The following LRP1B variants were observed in gnomAD, a reference collection of about 807,000 sequenced individuals.
LRP1B encodes the protein low-density lipoprotein receptor-related protein 1B.
In LRP1B, 217 loss-of-function variants were observed where a neutral mutation model predicts 556.6. The observed-to-expected ratio is 0.39, with a 90% CI of 0.35 to 0.44. The LOEUF (loss-of-function observed/expected upper bound fraction) is 0.44. LRP1B is among the 20% of genes least tolerant of loss of function. LRP1B has a pLI of 1.00. For missense variants in LRP1B, 5,053 were observed against 5,620.8 expected (o/e 0.90, Z 3.23); for synonymous variants, 2,047 against 1,865.8 (o/e 1.10, Z -2.50).
chr2:141,204,170 AAATT>A (rs1682166025), intron 6 of LRP1B, among the ~76,000 whole-genome samples: 1 of 152,208 alleles, frequency 6.6e-6, no homozygotes, highest in African/African-American at 2.4e-5. Flanking sequence ...TGATTTGTCA[AAATT>A]AATTACATAA....
chr2:140,312,019 A>AGACAGAAAACCCTTGAATGAATGAGAAG (rs1239296481), intron 83 of LRP1B, among the ~76,000 whole-genome samples: 9 of 151,918 alleles, frequency 5.9e-5, no homozygotes, highest in African/African-American at 1.9e-4. Flanking sequence ...ACAGTTACCA[A>AGACAGAAAACCCTTGAATGAATGAGAAG]GACAGAAAAC....
chr2:141,784,644 C>A lies in LRP1B; in HGVS notation c.205+25635G>T, dbSNP rs115953397. Among the ~76,000 whole-genome samples, 388 of 152,034 alleles carry A rather than the reference C, an allele frequency of 2.6e-3. 1 individual carries two copies. Among genetic ancestry groups the A allele is most frequent in the African/African-American group, 8.9e-3 (371 of 41,518 alleles). Reference sequence around the variant, plus strand: ...AATATGTTTTCCTTACCCCAGGGAACTGAATCCCTGATTGTTCAATTTGTC... The same window carrying A: ...AATATGTTTTCCTTACCCCAGGGAAATGAATCCCTGATTGTTCAATTTGTC... On this transcript the variant is annotated intron_variant, in intron 2 of 90. Transcript: ENST00000389484.
intron 1 of LRP1B, among the ~76,000 whole-genome samples, chr2:141,847,069 A>G (rs968409827): frequency 6.6e-6 from 1 of 151,548 alleles, no homozygotes; most frequent in Admixed American, 6.6e-5. Context: ...CATTTTGTAA[A>G]TTATATGTTC....
At chr2:140,501,617 G>T (rs940756916) in intron 55 of LRP1B, 70 bp downstream of exon 55, 2 of 1,159,286 alleles carry the variant, frequency 1.7e-6, no homozygotes, top group South Asian at 2.1e-5. Flanking sequence ...CATCTATATT[G>T]GATTAAATAG....
chr2:141,828,631 C>A (rs352980), intron 1 of LRP1B, among the ~76,000 whole-genome samples: 107,071 of 151,890 alleles, frequency 0.7, 38,231 homozygotes, highest in Middle Eastern at 0.82. Context: ...CATAAGTTAC[C>A]TCGTGCTGGT....
chr2:140,252,316 C>A (rs1224843905), intron 86 of LRP1B, among the ~76,000 whole-genome samples: 1 of 151,716 alleles, frequency 6.6e-6, no homozygotes, highest in Non-Finnish European at 1.5e-5. Flanking sequence ...TCAACTTTTA[C>A]ATGAAATGTT....
At chr2:141,408,721 A>T (rs1208491810) in intron 3 of LRP1B, among the ~76,000 whole-genome samples, 1 of 152,066 alleles carries the variant, frequency 6.6e-6, no homozygotes, top group South Asian at 2.1e-4. Context: ...TTAAACACTG[A>T]TTTATTTCAC....
Position 141,136,199 on chromosome 2 carries a change from G to A in LRP1B, c.1013+52222C>T, listed in dbSNP as rs142344665. Among the ~76,000 whole-genome samples the A allele has an allele frequency of 8.2e-3, 1,239 of 151,972 alleles. 9 individuals carry two copies. The highest frequency in any genetic ancestry group is 0.015 in the South Asian group (72 of 4,822). On this transcript the variant is annotated intron_variant, in intron 7 of 90. Coordinates refer to ENST00000389484, the MANE Select transcript of LRP1B (RefSeq NM_018557.3). ...AATAGACATTCTGTGCACTTATAGA[G>A]TGTCTGTGTGCAGAGTGTGCTGCTG...
At chr2:140,663,525 CT>C (rs1685167583) in intron 41 of LRP1B, among the ~76,000 whole-genome samples, 1 of 152,026 alleles carries the variant, frequency 6.6e-6, no homozygotes, top group Non-Finnish European at 1.5e-5. Context: ...ATGAACCAAT[CT>C]CTGCTAGCTC....
intron 23 of LRP1B, among the ~76,000 whole-genome samples, chr2:140,891,200 A>C (rs1472533498): frequency 6.6e-6 from 1 of 152,134 alleles, no homozygotes; most frequent in Non-Finnish European, 1.5e-5. Context: ...AGTGCTTTAC[A>C]AGAAGCTTTT....
At chr2:141,622,052 C>G (rs1465583979) in intron 2 of LRP1B, among the ~76,000 whole-genome samples, 1 of 151,910 alleles carries the variant, frequency 6.6e-6, no homozygotes, top group East Asian at 1.9e-4. Context: ...TCACCACACC[C>G]AGCTAATTTT....
At chr2:140,480,295 G>C (rs1469315624) in intron 59 of LRP1B, among the ~76,000 whole-genome samples, 1 of 152,168 alleles carries the variant, frequency 6.6e-6, no homozygotes, top group Non-Finnish European at 1.5e-5. Flanking sequence ...AAAATATCAA[G>C]TTACAGAGGG....
At chr2:141,611,543 AG>A (rs750593221) in intron 2 of LRP1B, among the ~76,000 whole-genome samples, 1 of 152,196 alleles carries the variant, frequency 6.6e-6, no homozygotes, top group Non-Finnish European at 1.5e-5. Context: ...CTCTGCAGCT[AG>A]TACAAAAGGA....
At chr2:142,064,672 C>G (rs186086808) in intron 1 of LRP1B, among the ~76,000 whole-genome samples, 79 of 151,670 alleles carry the variant, frequency 5.2e-4, no homozygotes, top group Non-Finnish European at 9.8e-4. Context: ...TTACAAATTA[C>G]ATGTGTATTT....
chr2:140,539,679 T>C (rs16844202), intron 45 of LRP1B, among the ~76,000 whole-genome samples: 3,653 of 152,198 alleles, frequency 0.024, 49 homozygotes, highest in African/African-American at 0.034. Context: ...TTCTAACGCA[T>C]GGCTAACACT....
At chr2:141,542,555 G>T (rs1377834631) in intron 2 of LRP1B, among the ~76,000 whole-genome samples, 1 of 151,908 alleles carries the variant, frequency 6.6e-6, no homozygotes, top group Non-Finnish European at 1.5e-5. Flanking sequence ...TGATATAGAA[G>T]GTTGTATGCT....
intron 18 of LRP1B, among the ~76,000 whole-genome samples, chr2:140,971,529 C>G (rs1696423714): frequency 6.6e-6 from 1 of 152,298 alleles, no homozygotes; most frequent in South Asian, 2.1e-4. Flanking sequence ...TTTACATTCT[C>G]TGATCTTCTT....
chr2:140,339,726 A>T (rs1681276027), intron 77 of LRP1B, among the ~76,000 whole-genome samples: 1 of 151,714 alleles, frequency 6.6e-6, no homozygotes, highest in Admixed American at 6.6e-5. Flanking sequence ...TTGACTTAGT[A>T]ATGTTATTAA....
intron 59 of LRP1B, among the ~76,000 whole-genome samples, chr2:140,483,167 G>T (rs907190539): frequency 6.6e-6 from 1 of 151,686 alleles, no homozygotes; most frequent in African/African-American, 2.4e-5. Context: ...TTTTTCTTTG[G>T]TTATAATATG....
Sources: allele counts gnomAD v4.1 joint callset (sites outside exome capture counted in the v4.1 genomes callset), GRCh38; gene constraint gnomAD v4.1.1; transcripts MANE v1.5; gene names NCBI Gene and HGNC (gene_info 2026-07-23, HGNC 2026-07-21).